The following NOS1 variants were observed in gnomAD, a reference collection of about 807,000 sequenced individuals.
The protein encoded by NOS1 is NOS type I.
In NOS1, 51 loss-of-function variants were observed where a neutral mutation model predicts 164.5. The observed-to-expected ratio is 0.31, with a 90% confidence interval of 0.25 to 0.39. The LOEUF (loss-of-function observed/expected upper bound fraction) is 0.39. Among genes scored for constraint, NOS1 ranks in the 10% least tolerant of loss-of-function variants. The pLI is 1.00. For synonymous variants in NOS1, 719 were observed against 745.8 expected (o/e 0.96, Z 0.59); for missense variants, 1,362 against 1,885.6 (o/e 0.72, Z 5.14).
chr12:117,327,108 C>T (rs1875290241), intron 2 of NOS1, among the ~76,000 whole-genome samples: 1 of 152,156 alleles, frequency 6.6e-6, no homozygotes, highest in Admixed American at 6.5e-5. Context: ...CACCTGATGC[C>T]CAGTTGAGAA....
intron 20 of NOS1, among the ~76,000 whole-genome samples, chr12:117,239,298 C>T (rs1378833158): frequency 1.3e-5 from 2 of 152,204 alleles, no homozygotes; most frequent in African/African-American, 2.4e-5. Context: ...CTTTCTGGAC[C>T]TCCCTCCTCT....
At chr12:117,226,791 G>T in intron 23 of NOS1, 21 bp from the exon 24 acceptor site, 5 of 1,603,066 alleles carry the variant, frequency 3.1e-6, no homozygotes, top group South Asian at 1.1e-5. Context: ...AACCAAGGCA[G>T]TCAGGGCCAC....
intron 20 of NOS1, among the ~76,000 whole-genome samples, chr12:117,241,709 C>T (rs1268598902): frequency 2.0e-5 from 3 of 152,120 alleles, no homozygotes; most frequent in East Asian, 1.9e-4. Context: ...TTTGAGAAGA[C>T]GTGATGTCTA....
At chr12:117,271,667 G>A (rs1872802315) in intron 10 of NOS1, among the ~76,000 whole-genome samples, 3 of 152,202 alleles carry the variant, frequency 2.0e-5, no homozygotes, top group Admixed American at 2.0e-4. Flanking sequence ...CAGGCCCAGT[G>A]CTTAACTTCT....
intron 1 of NOS1, among the ~76,000 whole-genome samples, chr12:117,351,138 GT>G (rs1249263707): frequency 6.6e-6 from 1 of 152,060 alleles, no homozygotes; most frequent in Non-Finnish European, 1.5e-5. Flanking sequence ...AAAAAAAAAA[GT>G]CTCTTGCCCT....
chr12:117,358,333 CCCT>C (rs1876952768), intron 1 of NOS1, among the ~76,000 whole-genome samples: 12 of 110,722 alleles, frequency 1.1e-4, no homozygotes, highest in Admixed American at 7.5e-4. Context: ...AATACCCCCG[CCCT>C]CTCACTCTTC....
chr12:117,309,147 C>A (rs954077731), intron 3 of NOS1, among the ~76,000 whole-genome samples: 9 of 152,118 alleles, frequency 5.9e-5, no homozygotes, highest in African/African-American at 2.2e-4. Flanking sequence ...AGCTTTAAAC[C>A]ATATTTGTTC....
At chr12:117,274,381 C>A (rs1607817) in intron 9 of NOS1, among the ~76,000 whole-genome samples, 57,520 of 151,854 alleles carry the variant, frequency 0.38, 11,162 homozygotes, top group East Asian at 0.44. Context: ...AGGCTAGTAC[C>A]GGAGTATGCA....
rs1016841979 is a variant in NOS1 at position 117,210,394 on chromosome 12, T to C, written c.*4915A>G. ...GTTAGTGTTTCTCTCTCCTTGTTGC[T>C]TCCTGGCAGTCTCAGACTACATTCC... On this transcript the variant is annotated 3_prime_UTR_variant, in exon 29 of 29. Transcript: ENST00000317775. 8 of 985,310 alleles carry C rather than the reference T, an allele frequency of 8.1e-6. No homozygotes were observed. Among genetic ancestry groups the C allele is most frequent in the Non-Finnish European group, 9.6e-6 (8 of 829,962 alleles). The allele number at this position is 985,310 out of a possible 1,614,324, so 61.0% of individuals were successfully genotyped here.
chr12:117,211,119 G>C lies in NOS1; in HGVS notation c.*4190C>G. The C allele has an allele frequency of 8.4e-6, 5 of 596,502 alleles. No individual in the cohort carries two copies. Among genetic ancestry groups the C allele is most frequent in the Non-Finnish European group, 1.1e-5 (5 of 474,924 alleles). The allele number at this position is 596,502 out of a possible 1,614,324, so 37.0% of individuals were successfully genotyped here. ...CTACAGGCGCATGCCACCATGCCCAGCTAATTTTTGTATTTTCTTAGTAGA... is the reference window on the plus strand; with the variant it reads ...CTACAGGCGCATGCCACCATGCCCACCTAATTTTTGTATTTTCTTAGTAGA... On this transcript the variant is annotated 3_prime_UTR_variant, in exon 29 of 29. Transcript: ENST00000317775.
At position 117,247,517 on chromosome 12, in the gene NOS1, G is replaced by C; in HGVS notation, c.2654C>G (p.Ser885Ter). 1 of 1,609,060 alleles carries C rather than the reference G, an allele frequency of 6.2e-7. No homozygotes were observed. The change falls in exon 18 of 29, where the codon TCA becomes TGA. Residue 885 changes from serine to a stop codon, truncating the protein, a stop_gained. Transcript: ENST00000317775. LOFTEE classifies it high-confidence loss of function. ...SAGPLANVRF[S>*]VFGLGSRAYP... ...TGCTCGTGAGCCGAGGCCAAAAACT[G>C]AGAACCTGTCAAGGAGATGACAGAA...
At chr12:117,331,998 C>T (rs1875572847) in intron 1 of NOS1, among the ~76,000 whole-genome samples, 1 of 152,206 alleles carries the variant, frequency 6.6e-6, no homozygotes, top group East Asian at 1.9e-4. Context: ...TGACGAATGT[C>T]AGTTGGCCTT....
In NOS1 at chr12:117,243,486, C is replaced by T. The variant is rs771364981; in HGVS notation, c.2824-51G>A. ...GACCTCTTTCAGCCAAGCGGATCTC[C>T]TCTCCAACAGCTCCAAGTCATGGCA... On this transcript the variant is annotated intron_variant, in intron 18 of 28. Transcript: ENST00000317775. The surrounding 1 kb of genome is among the most constrained non-coding windows in gnomAD (Gnocchi z 4.3). 1 of 1,601,040 alleles carries T rather than the reference C, an allele frequency of 6.2e-7. No homozygotes were observed. The highest frequency in any genetic ancestry group is 8.5e-7 in the Non-Finnish European group (1 of 1,172,434).
Position 117,210,341 on chromosome 12 carries a change from A to C in NOS1, c.*4968T>G, listed in dbSNP as rs756141646. The C allele has an allele frequency of 1.5e-5, 15 of 985,104 alleles. No homozygotes were observed. Among genetic ancestry groups the C allele is most frequent in the Non-Finnish European group, 1.7e-5 (14 of 829,916 alleles). The allele number at this position is 985,104 out of a possible 1,614,324, so 61.0% of individuals were successfully genotyped here. ...CTATGAAGGTTGGGGACAGCCAGAG[A>C]GTATGAATGGGTTATAAAGGAAGAC... On this transcript the variant is annotated 3_prime_UTR_variant, in exon 29 of 29. Transcript: ENST00000317775.
At chr12:117,359,151 C>T (rs1408075618) in intron 1 of NOS1, among the ~76,000 whole-genome samples, 2 of 147,454 alleles carry the variant, frequency 1.4e-5, no homozygotes, top group African/African-American at 2.5e-5. Context: ...CAGAGCCGTG[C>T]GCCCCTCAGG....
chr12:117,342,547 T>C (rs899664565), intron 1 of NOS1, among the ~76,000 whole-genome samples: 1 of 151,934 alleles, frequency 6.6e-6, no homozygotes, highest in Non-Finnish European at 1.5e-5. Context: ...AGGATGGAGC[T>C]GGCATTGGGG....
chr12:117,339,728 C>T (rs1876009239), intron 1 of NOS1, among the ~76,000 whole-genome samples: 1 of 152,164 alleles, frequency 6.6e-6, no homozygotes, highest in Admixed American at 6.5e-5. Flanking sequence ...CTAAAAAGAC[C>T]AGACCAGTGA....
At chr12:117,322,088 TCTTC>T (rs1874968383) in intron 2 of NOS1, among the ~76,000 whole-genome samples, 1 of 103,382 alleles carries the variant, frequency 9.7e-6, no homozygotes, top group Non-Finnish European at 2.0e-5. Context: ...CTTTCTCTCT[TCTTC>T]CTTCCCTCCC....
intron 3 of NOS1, among the ~76,000 whole-genome samples, chr12:117,291,527 G>GTTTTTT (rs1241389127): frequency 2.5e-5 from 2 of 80,808 alleles, no homozygotes; most frequent in African/African-American, 5.3e-5. Flanking sequence ...GATTACATCT[G>GTTTTTT]TCTTTTTTTT....
Sources: allele counts gnomAD v4.1 joint callset (sites outside exome capture counted in the v4.1 genomes callset), GRCh38; gene constraint gnomAD v4.1.1; non-coding constraint Gnocchi (gnomAD v3.1); transcripts MANE v1.5; gene names NCBI Gene and HGNC (gene_info 2026-07-23, HGNC 2026-07-21).